MTMR12: variants seen among roughly 807,000 people sequenced by gnomAD.
MTMR12 encodes the protein myotubularin related protein 12, also known as myotubularin-related protein 12.
MTMR12 carries 33 observed loss-of-function variants against 96.7 expected under a neutral mutation model. That is an observed-to-expected ratio of 0.34 (90% confidence interval 0.26 to 0.46). The LOEUF (loss-of-function observed/expected upper bound fraction) is 0.46. MTMR12 is among the 20% of genes least tolerant of loss of function. The pLI is 1.00. For missense variants in MTMR12, 721 were observed against 896.1 expected (o/e 0.80, Z 2.49); for synonymous variants, 298 against 327.2 (o/e 0.91, Z 0.96).
intron 13 of MTMR12, among the ~76,000 whole-genome samples, chr5:32,238,421 C>T (rs1748326898): frequency 6.6e-6 from 1 of 152,050 alleles, no homozygotes; most frequent in African/African-American, 2.4e-5. Context: ...CTATGTTGCC[C>T]AGGCTGGTTT....
intron 5 of MTMR12, among the ~76,000 whole-genome samples, chr5:32,269,832 G>T (rs1435931790): frequency 6.6e-6 from 1 of 152,176 alleles, no homozygotes; most frequent in Non-Finnish European, 1.5e-5. Context: ...ATAAGGGAAA[G>T]AAATCAATCT....
intron 6 of MTMR12, among the ~76,000 whole-genome samples, chr5:32,265,520 T>C (rs1348706536): frequency 6.6e-6 from 1 of 152,226 alleles, no homozygotes; most frequent in Non-Finnish European, 1.5e-5. Context: ...AATAAATGTT[T>C]ATACAAATTA....
At chr5:32,293,090 G>A (rs1034481533) in intron 1 of MTMR12, among the ~76,000 whole-genome samples, 4 of 152,160 alleles carry the variant, frequency 2.6e-5, no homozygotes, top group African/African-American at 9.7e-5. Flanking sequence ...GCGTAATTAT[G>A]ACCTTACTAT....
chr5:32,296,452 C>G (rs1415389090), intron 1 of MTMR12: 2 of 356,640 alleles, frequency 5.6e-6, no homozygotes, highest in Non-Finnish European at 1.2e-5. Context: ...GCATTCCAGT[C>G]TGGGCAACAG....
rs775722136 is a variant in MTMR12, at chr5:32,271,850, A to G, written c.341T>C (p.Val114Ala). The change falls in exon 4 of 16, where the codon GTT (valine) becomes GCT (alanine). Residue 114 changes from valine (V) to alanine (A), a missense_variant. Physicochemically the swap from Val to Ala is moderately conservative, Grantham distance 64 (BLOSUM62 0). Transcript: ENST00000382142. ...IGENDITLHC[V>A]DQIYGVFDEK... ...ATACTTACCTCCATAAATCTGATCA[A>G]CACAGTGGAGTGTAATGTCATTTTC... 2 of 1,586,070 alleles carry G rather than the reference A, an allele frequency of 1.3e-6. No individual in the cohort carries two copies. Among genetic ancestry groups the G allele is most frequent in the South Asian group, 1.1e-5 (1 of 87,712 alleles).
At chr5:32,252,828 T>C (rs551948148) in intron 8 of MTMR12, among the ~76,000 whole-genome samples, 1 of 152,370 alleles carries the variant, frequency 6.6e-6, no homozygotes, top group African/African-American at 2.4e-5. Flanking sequence ...CAGTTTGATG[T>C]TCTTATCTCT....
chr5:32,255,030 G>A (rs1315971718), intron 8 of MTMR12, among the ~76,000 whole-genome samples: 1 of 152,112 alleles, frequency 6.6e-6, no homozygotes, highest in Non-Finnish European at 1.5e-5. Flanking sequence ...CTCATTACCT[G>A]CTTGGACTCC....
At chr5:32,247,972 A>G in intron 10 of MTMR12, 30 bp downstream of exon 10, 2 of 1,606,120 alleles carry the variant, frequency 1.2e-6, no homozygotes, top group African/African-American at 2.7e-5. Flanking sequence ...CCCATATAAC[A>G]CAAAAGTTTT....
chr5:32,270,827 T>G lies in MTMR12; in HGVS notation c.479A>C (p.Glu160Ala). 1 of 1,609,880 alleles carries G rather than the reference T, an allele frequency of 6.2e-7. No homozygotes were observed. ...QFCLRYTKEE[E>A]VKRIVSGIIH... ...CATGCAACTAGTTACCCTTTTGACT[T>G]CCTCTTCCTTTGTGTACCTCAGACA... The change falls in exon 5 of 16, where the codon GAA becomes GCA. Residue 160 changes from glutamate (E) to alanine (A), a missense_variant. Transcript: ENST00000382142.
chr5:32,261,211 T>A (rs939614716), intron 7 of MTMR12, among the ~76,000 whole-genome samples: 2 of 151,958 alleles, frequency 1.3e-5, no homozygotes, highest in Non-Finnish European at 2.9e-5. Context: ...TCAGCCTGGG[T>A]GACAGAGTGA....
chr5:32,275,481 C>T (rs1469251931), intron 2 of MTMR12, among the ~76,000 whole-genome samples: 10 of 152,174 alleles, frequency 6.6e-5, no homozygotes, highest in African/African-American at 2.4e-4. Context: ...CATGTACTAG[C>T]GACCAGAAAT....
At chr5:32,277,019 G>A (rs1203285362) in intron 1 of MTMR12, among the ~76,000 whole-genome samples, 3 of 151,516 alleles carry the variant, frequency 2.0e-5, no homozygotes, top group Admixed American at 1.3e-4. Context: ...CCAAGTAGCT[G>A]GGACTACAGG....
chr5:32,250,415 A>G (rs1207415238), intron 8 of MTMR12, among the ~76,000 whole-genome samples: 1 of 152,250 alleles, frequency 6.6e-6, no homozygotes, highest in African/African-American at 2.4e-5. Flanking sequence ...CCACACTTTA[A>G]GATTCATGAT....
At position 32,248,795 on chromosome 5, in the gene MTMR12, T is replaced by G. The variant is rs770400013; in HGVS notation, c.873A>C (p.Gln291His). 3 of 1,614,022 alleles carry G rather than the reference T, an allele frequency of 1.9e-6. No homozygotes were observed. The African/African-American group carries it at 4.0e-5, about 22-fold the overall frequency. Residue 291 changes from glutamine to histidine, a missense_variant, in exon 9 of 16, where the codon CAA (glutamine) becomes CAC (histidine). Coordinates refer to ENST00000382142, the MANE Select transcript of MTMR12 (RefSeq NM_001040446.3). ...ACCCATCTAAGAAGCTCTTTTGGAT[T>G]TGTAAAATGCCGTCATCCTGTTCTT... ...LPKEQDDGIL[Q>H]IQKSFLDGIY...
chr5:32,245,250 G>A (rs1748635074), intron 10 of MTMR12, among the ~76,000 whole-genome samples: 1 of 152,286 alleles, frequency 6.6e-6, no homozygotes, highest in Non-Finnish European at 1.5e-5. Context: ...TGGCTAGGCT[G>A]GTCTTGAATT....
At chr5:32,264,160 C>T (rs532783407) in intron 6 of MTMR12, among the ~76,000 whole-genome samples, 1 of 152,176 alleles carries the variant, frequency 6.6e-6, no homozygotes, top group African/African-American at 2.4e-5. Context: ...ACAAAATGCC[C>T]TGGAGCACCG....
rs146828729 is a variant in MTMR12 at position 32,292,423 on chromosome 5, C to T, written c.82-15681G>A. Reference sequence around the variant, plus strand: ...GAGGTCTTAGTTCCAGAGGGAGGAACGCTGCCACCAGGAGACACAACAATT... The same window carrying T: ...GAGGTCTTAGTTCCAGAGGGAGGAATGCTGCCACCAGGAGACACAACAATT... On this transcript the variant is annotated intron_variant, in intron 1 of 15. Transcript: ENST00000382142. 7.8e-3 allele frequency among the ~76,000 whole-genome samples: 1,183 copies of T among 152,204 alleles called. 14 individuals carry two copies. Among genetic ancestry groups the T allele is most frequent in the African/African-American group, 0.027 (1,120 of 41,524 alleles).
Position 32,271,901 on chromosome 5 carries a change from GT to G in MTMR12, c.289del (p.Thr97LeufsTer8). On this transcript the variant is annotated frameshift_variant, in exon 4 of 16. Coordinates refer to ENST00000382142, the MANE Select transcript of MTMR12 (RefSeq NM_001040446.3). LOFTEE classifies it high-confidence loss of function. ...DDESALDNDE[T>X]QFKNKVIGEN... ...TCCTATAACCTTATTCTTAAATTGA[GT>G]TTCCTAGAAGATTCAAAAGGAAACA... 1 of 1,545,078 alleles carries G rather than the reference GT, an allele frequency of 6.5e-7. No homozygotes were observed. Among genetic ancestry groups the G allele is most frequent in the Non-Finnish European group, 8.8e-7 (1 of 1,130,532 alleles).
At chr5:32,237,221 G>A (rs996712424) in intron 13 of MTMR12, among the ~76,000 whole-genome samples, 5 of 152,214 alleles carry the variant, frequency 3.3e-5, no homozygotes, top group Admixed American at 6.5e-5. Flanking sequence ...ATACGTCAGC[G>A]CTGCAGGTGA....
Sources: allele counts gnomAD v4.1 joint callset (sites outside exome capture counted in the v4.1 genomes callset), GRCh38; gene constraint gnomAD v4.1.1; transcripts MANE v1.5; gene names NCBI Gene and HGNC (gene_info 2026-07-23, HGNC 2026-07-21).